Variants in RNF103 observed in about 807,000 individuals in gnomAD.
The protein encoded by RNF103 is ring finger protein 103.
Under a neutral mutation model 66.2 loss-of-function variants are expected in RNF103, and 23 were observed. That is an observed-to-expected ratio of 0.35 (90% CI 0.25 to 0.49). The LOEUF is 0.49. Ranked by LOEUF, RNF103 falls within the 20% of genes least tolerant of loss-of-function variation. RNF103 has a pLI of 0.98. For missense variants in RNF103, 730 were observed against 814.7 expected (o/e 0.90, Z 1.27); for synonymous variants, 297 against 289.9 (o/e 1.02, Z -0.25).
Position 86,604,309 on chromosome 2 carries a change from C to A in RNF103, c.1592G>T (p.Gly531Val), listed in dbSNP as rs1678460879. Residue 531 changes from glycine to valine, a missense_variant, in exon 4 of 4, where the codon GGG (glycine) becomes GTG (valine). This residue lies in a region of RNF103 where 355 missense variants were observed against 351.9 expected (regional missense o/e 1.01). Transcript: ENST00000237455. ...GVQSEEEMSE[G>V]SQDTENDSES... ...CGAGTCATTTTCAGTATCTTGAGACCCCTCCGACATTTCCTCTTCAGACTG... is the reference window on the plus strand; with the variant it reads ...CGAGTCATTTTCAGTATCTTGAGACACCTCCGACATTTCCTCTTCAGACTG... 3.1e-6 allele frequency: 5 copies of A among 1,614,118 alleles called. No homozygotes were observed. Among genetic ancestry groups the A allele is most frequent in the Non-Finnish European group, 4.2e-6 (5 of 1,180,010 alleles).
intron 1 of RNF103, 105 bp downstream of exon 1, chr2:86,622,556 C>A: frequency 1.8e-6 from 2 of 1,124,928 alleles, no homozygotes; most frequent in Admixed American, 4.0e-5. Context: ...GCAGCTTTAA[C>A]GCTTCCAGGA....
rs1393395398 is a variant in RNF103, at chr2:86,620,369, C to T, written c.327G>A (p.Glu109=). ...TGCCATCTTTTGTGTCTTCCACAAG[C>T]TCATAGAAGTGCATTTCACCACTGA... ...TNFSGEMHFY[E]LVEDTKDGIW... is the part of the protein sequence containing the mutation. The change falls in exon 2 of 4, where the codon GAG becomes GAA. Residue 109 remains glutamate, a synonymous_variant. Transcript: ENST00000237455. 6 of 1,608,538 alleles carry T rather than the reference C, an allele frequency of 3.7e-6. No homozygotes were observed. The Admixed American group carries it at 8.3e-5, about 22-fold the overall frequency.
chr2:86,617,483 C>T, intron 2 of RNF103: 1 of 422,080 alleles, frequency 2.4e-6, no homozygotes, highest in Non-Finnish European at 3.2e-6. Context: ...GTTGTTGTTA[C>T]TGTGCCTAAC....
intron 3 of RNF103, among the ~76,000 whole-genome samples, chr2:86,608,897 T>G (rs1678675841): frequency 6.6e-6 from 1 of 152,154 alleles, no homozygotes; most frequent in African/African-American, 2.4e-5. Context: ...TCCTTCTGGG[T>G]ACATAGGGAA....
intron 2 of RNF103, 145 bp downstream of exon 2, chr2:86,620,185 T>C: frequency 9.4e-7 from 1 of 1,061,620 alleles, no homozygotes; most frequent in Non-Finnish European, 1.2e-6. Flanking sequence ...TTTAAGAAGA[T>C]ACTGGAGCCT....
At chr2:86,616,944 C>T (rs1679045870) in intron 2 of RNF103, 1 of 985,266 alleles carries the variant, frequency 1.0e-6, no homozygotes, top group South Asian at 4.7e-5. Context: ...AAGTAACCAT[C>T]TTCTATTTGT....
intron 3 of RNF103, among the ~76,000 whole-genome samples, chr2:86,610,513 GATT>G (rs1678749605): frequency 6.6e-6 from 1 of 151,738 alleles, no homozygotes; most frequent in African/African-American, 2.4e-5. Context: ...ACGTTTAACA[GATT>G]ATTTTTATTT....
rs1218415255 is a variant in RNF103, at chr2:86,622,709, A to T, written c.178T>A (p.Ser60Thr). 1.9e-6 allele frequency: 3 copies of T among 1,614,164 alleles called. No individual in the cohort carries two copies. The African/African-American group carries it at 4.0e-5, about 22-fold the overall frequency. ...ACATCCTTCTTCTCGGGCAACCCTGAGTAGCCCAACCCCCGGCACTCCAAA... is the reference window on the plus strand; with the variant it reads ...ACATCCTTCTTCTCGGGCAACCCTGTGTAGCCCAACCCCCGGCACTCCAAA... The part of the protein sequence containing the change: ...TILECRGLGY[S>T]GLPEKKDVRE... The change falls in exon 1 of 4, where the codon TCA becomes ACA. Residue 60 changes from serine (S) to threonine (T), a missense_variant. Physicochemically the swap from Ser to Thr is moderately conservative, Grantham distance 58 (BLOSUM62 1). This residue lies in a region of RNF103 where 327 missense variants were observed against 369.8 expected (regional missense o/e 0.88). Coordinates refer to ENST00000237455, the MANE Select transcript of RNF103 (RefSeq NM_005667.4).
Position 86,615,813 on chromosome 2 carries a change from C to T in RNF103, c.367-3539G>A, listed in dbSNP as rs528367112. 2.6e-5 allele frequency among the ~76,000 whole-genome samples: 4 copies of T among 152,244 alleles called. No individual in the cohort carries two copies. In the South Asian group the frequency reaches 8.3e-4, roughly 32 times the overall value. Reference sequence around the variant, plus strand: ...TGAAGCAATCTTTCCATTCCCTTTCCCAGGGTATCTGCCTCTGGCATCCCC... The same window carrying T: ...TGAAGCAATCTTTCCATTCCCTTTCTCAGGGTATCTGCCTCTGGCATCCCC... On this transcript the variant is annotated intron_variant, in intron 2 of 3. Coordinates refer to ENST00000237455, the MANE Select transcript of RNF103 (RefSeq NM_005667.4).
At chr2:86,619,545 G>A (rs1298181059) in intron 2 of RNF103, among the ~76,000 whole-genome samples, 2 of 152,040 alleles carry the variant, frequency 1.3e-5, no homozygotes, top group South Asian at 2.1e-4. Flanking sequence ...CCACATTCAC[G>A]CTGTTAATTT....
chr2:86,623,808 G>C lies in RNF103; in HGVS notation c.-922C>G. 1.6e-6 allele frequency: 2 copies of C among 1,283,708 alleles called. No individual in the cohort carries two copies. The highest frequency in any genetic ancestry group is 4.6e-5 in the Admixed American group (2 of 43,316). The allele number at this position is 1,283,708 out of a possible 1,614,324, so 79.5% of individuals were successfully genotyped here. A position where few individuals can be genotyped will look rare whatever the true frequency, so the allele number is the denominator to read the frequency against. ...CACCCCCGCCACCTCCGGAGACCGC[G>C]GCCGTACCCTCCACAACCGTGTATC... On this transcript the variant is annotated 5_prime_UTR_variant, in exon 1 of 4. Transcript: ENST00000237455.
chr2:86,604,043 CAGT>C lies in RNF103; in HGVS notation c.1855_1857del (p.Thr619del). 2 of 1,614,102 alleles carry C rather than the reference CAGT, an allele frequency of 1.2e-6. No individual in the cohort carries two copies. Among genetic ancestry groups the C allele is most frequent in the Non-Finnish European group, 8.5e-7 (1 of 1,180,038 alleles). On this transcript the variant is annotated inframe_deletion, in exon 4 of 4. Coordinates refer to ENST00000237455, the MANE Select transcript of RNF103 (RefSeq NM_005667.4). ...AAATTCTCTAGGCAAACAACACATT[CAGT>C]ACAGTGCAGCATATCAGCAGGCCAA...
chr2:86,620,266 C>A, intron 2 of RNF103, 64 bp downstream of exon 2: 2 of 1,508,030 alleles, frequency 1.3e-6, no homozygotes, highest in South Asian at 1.3e-5. Flanking sequence ...CTGGTACATA[C>A]TATTTTGGTA....
At chr2:86,606,435 T>C (rs774864659) in intron 3 of RNF103, among the ~76,000 whole-genome samples, 8 of 151,886 alleles carry the variant, frequency 5.3e-5, no homozygotes, top group Non-Finnish European at 7.4e-5. Flanking sequence ...GAGGCCAAGG[T>C]GGGCAGATCA....
intron 3 of RNF103, among the ~76,000 whole-genome samples, chr2:86,607,973 T>G (rs146003950): frequency 6.6e-6 from 1 of 152,338 alleles, no homozygotes; most frequent in African/African-American, 2.4e-5. Flanking sequence ...TCATTCCAGA[T>G]AGAATAAGGT....
intron 3 of RNF103, among the ~76,000 whole-genome samples, chr2:86,611,233 C>A (rs1573358971): frequency 6.6e-6 from 1 of 151,924 alleles, no homozygotes; most frequent in South Asian, 2.1e-4. Context: ...AGCATGACAG[C>A]TTTGCAGGTA....
chr2:86,604,731 G>A lies in RNF103; in HGVS notation c.1170C>T (p.Ser390=), dbSNP rs564118278. ...LPYLDSFYEY[S]LKLLRYSNTT... Reference sequence around the variant, plus strand: ...TATTGGAATATCTCAACAATTTTAAGCTATATTCATAAAAGCTATCTAAGT... The same window carrying A: ...TATTGGAATATCTCAACAATTTTAAACTATATTCATAAAAGCTATCTAAGT... The change falls in exon 4 of 4, where the codon AGC becomes AGT. Residue 390 remains serine (S), a synonymous_variant. Coordinates refer to ENST00000237455, the MANE Select transcript of RNF103 (RefSeq NM_005667.4). 1.2e-6 allele frequency: 2 copies of A among 1,613,998 alleles called. No homozygotes were observed. Among genetic ancestry groups the A allele is most frequent in the East Asian group, 4.5e-5 (2 of 44,890 alleles).
Position 86,616,753 on chromosome 2 carries a change from T to C in RNF103, c.366+3577A>G, listed in dbSNP as rs976103066. ...CAGTGACTTTAAATTCCATATGATGTAACACAGCCAGTAGGGAACAAATAT... is the reference window on the plus strand; with the variant it reads ...CAGTGACTTTAAATTCCATATGATGCAACACAGCCAGTAGGGAACAAATAT... On this transcript the variant is annotated intron_variant, in intron 2 of 3. Transcript: ENST00000237455. 3.0e-6 allele frequency: 3 copies of C among 985,322 alleles called. No homozygotes were observed. In the African/African-American group the frequency reaches 5.2e-5, roughly 17 times the overall value. The allele number at this position is 985,322 out of a possible 1,614,324, so 61.0% of individuals were successfully genotyped here.
Position 86,604,867 on chromosome 2 carries a change from G to A in RNF103, c.1034C>T (p.Thr345Ile). ...NLMAWMDLFI[T>I]QGATIKRFVV... ...AAATCGCTTTATGGTAGCTCCTTGTGTAATAAATAAGTCCATCCAAGCCAT... is the reference window on the plus strand; with the variant it reads ...AAATCGCTTTATGGTAGCTCCTTGTATAATAAATAAGTCCATCCAAGCCAT... Residue 345 changes from threonine to isoleucine, a missense_variant, in exon 4 of 4, where the codon ACA becomes ATA. By Grantham distance (89) the Thr-to-Ile change is moderately conservative. Coordinates refer to ENST00000237455, the MANE Select transcript of RNF103 (RefSeq NM_005667.4). 6.2e-7 allele frequency: 1 copy of A among 1,614,080 alleles called. No individual in the cohort carries two copies. The highest frequency in any genetic ancestry group is 2.2e-5 in the East Asian group (1 of 44,864).
Sources: gnomAD v4.1 joint callset for allele counts (sites outside exome capture counted in the v4.1 genomes callset) on GRCh38, gnomAD v4.1.1 for gene constraint, gnomAD v4.1.1 regional missense constraint, MANE v1.5 for transcripts, NCBI Gene and HGNC (gene_info 2026-07-23, HGNC 2026-07-21) for gene names.